NRXN3: variants seen among roughly 807,000 people sequenced by gnomAD.
The protein encoded by NRXN3 is neurexin III.
Under a neutral mutation model 137.6 loss-of-function variants are expected in NRXN3, and 32 were observed. The ratio of observed to expected loss-of-function variants is 0.23; its 90% CI spans 0.18 to 0.31. NRXN3 has a LOEUF of 0.31. Ranked by LOEUF, NRXN3 falls within the 10% of genes least tolerant of loss-of-function variation. NRXN3 has a pLI of 1.00. For missense variants in NRXN3, 1,574 were observed against 2,062.5 expected (o/e 0.76, Z 4.59); for synonymous variants, 798 against 784.5 (o/e 1.02, Z -0.29).
intron 19 of NRXN3, among the ~76,000 whole-genome samples, chr14:79,718,742 G>T (rs879878690): frequency 5.9e-5 from 9 of 152,130 alleles, no homozygotes; most frequent in Non-Finnish European, 1.0e-4. Flanking sequence ...TTATGCTTAA[G>T]TCCAGGCAGT....
intron 6 of NRXN3, among the ~76,000 whole-genome samples, chr14:78,694,791 TA>T (rs1369144587): frequency 6.6e-6 from 1 of 151,966 alleles, no homozygotes. Flanking sequence ...TCTTTCTCCA[TA>T]AACCTGACCA....
At chr14:78,273,503 C>T (rs191238585) in intron 2 of NRXN3, among the ~76,000 whole-genome samples, 18 of 152,266 alleles carry the variant, frequency 1.2e-4, no homozygotes, top group Admixed American at 1.0e-3. Flanking sequence ...ACAGAAGGGA[C>T]GCAGCTGCAG....
chr14:78,325,142 AAAATT>A (rs1297755995), intron 4 of NRXN3, among the ~76,000 whole-genome samples: 1 of 151,974 alleles, frequency 6.6e-6, no homozygotes, highest in East Asian at 1.9e-4. Flanking sequence ...CAAATATATA[AAAATT>A]AGCATCAGGA....
At chr14:79,594,007 TG>T (rs1305353868) in intron 16 of NRXN3, among the ~76,000 whole-genome samples, 1 of 151,938 alleles carries the variant, frequency 6.6e-6, no homozygotes, top group Non-Finnish European at 1.5e-5. Flanking sequence ...ATCCTTTTTT[TG>T]AAAAAAAGCT....
At chr14:78,967,429 T>C (rs769877109) in intron 13 of NRXN3, 31 bp downstream of exon 13, 2 of 1,537,864 alleles carry the variant, frequency 1.3e-6, no homozygotes, top group East Asian at 2.3e-5. Flanking sequence ...TAGTTTTTAA[T>C]AGAGCTTTTC....
intron 15 of NRXN3, among the ~76,000 whole-genome samples, chr14:79,304,101 G>A (rs1232413707): frequency 1.3e-5 from 2 of 152,020 alleles, no homozygotes; most frequent in East Asian, 3.9e-4. Flanking sequence ...GAGCAGTGTG[G>A]TACAATGAAA....
At chr14:79,131,961 C>G (rs980727929) in intron 15 of NRXN3, among the ~76,000 whole-genome samples, 2 of 152,276 alleles carry the variant, frequency 1.3e-5, no homozygotes, top group African/African-American at 4.8e-5. Flanking sequence ...TCTGTCACCC[C>G]TTTCTTTGAC....
chr14:78,326,892 TCACA>T (rs1310059828), intron 4 of NRXN3, among the ~76,000 whole-genome samples: 2 of 148,598 alleles, frequency 1.3e-5, no homozygotes, highest in Non-Finnish European at 3.0e-5. Flanking sequence ...GTCTGCTTAC[TCACA>T]CAACTCACTG....
chr14:79,127,130 G>A (rs1277591102), intron 15 of NRXN3, among the ~76,000 whole-genome samples: 9 of 151,996 alleles, frequency 5.9e-5, no homozygotes, highest in South Asian at 4.2e-4. Flanking sequence ...TGGGTTGCCC[G>A]TTCACTCTGA....
chr14:78,400,777 A>C (rs913322247), intron 4 of NRXN3, among the ~76,000 whole-genome samples: 11 of 152,202 alleles, frequency 7.2e-5, no homozygotes, highest in Admixed American at 2.6e-4. Context: ...GGGTGTATGC[A>C]GTCGGTTTCT....
At chr14:79,192,219 A>T (rs2064451871) in intron 15 of NRXN3, among the ~76,000 whole-genome samples, 1 of 152,212 alleles carries the variant, frequency 6.6e-6, no homozygotes, top group Non-Finnish European at 1.5e-5. Context: ...TCTCCAGGTT[A>T]CTGATCATCT....
intron 15 of NRXN3, among the ~76,000 whole-genome samples, chr14:79,235,176 C>T (rs2073155320): frequency 6.6e-6 from 1 of 152,048 alleles, no homozygotes; most frequent in African/African-American, 2.4e-5. Flanking sequence ...CAGAGCATGT[C>T]TCATGTCATG....
intron 16 of NRXN3, among the ~76,000 whole-genome samples, chr14:79,612,881 C>T (rs2153876288): frequency 6.6e-6 from 1 of 152,232 alleles, no homozygotes; most frequent in African/African-American, 2.4e-5. Context: ...AAATAAAATG[C>T]TAAAATGAAC....
In NRXN3 at chr14:78,515,106, T is replaced by C. The variant is rs764073272; in HGVS notation, c.758-130014T>C. The stretch of plus-strand genomic sequence containing the variant: ...AGGTGATTCTAACAGTTAGCCAAGG[T>C]TGAAAACCGCTGTATTAAAGGAAAG... On this transcript the variant is annotated intron_variant, in intron 4 of 20. Transcript: ENST00000335750. Among the ~76,000 whole-genome samples, 35 of 152,118 alleles carry C rather than the reference T, an allele frequency of 2.3e-4. 1 individual carries two copies. The highest frequency in any genetic ancestry group is 4.1e-4 in the Non-Finnish European group (28 of 68,018).
rs1256564511 is a variant in NRXN3 at position 78,801,994 on chromosome 14, A to G, written c.2045-1626A>G. On this transcript the variant is annotated intron_variant, in intron 8 of 20. Transcript: ENST00000335750. ...GGGACCTTGTCTGTTTCACCTTTGT[A>G]TTCTCCATAGTGCATGTAGGTAGCA... is the stretch of plus-strand genomic sequence containing the variant. 8.5e-5 allele frequency among the ~76,000 whole-genome samples: 13 copies of G among 152,188 alleles called. No homozygotes were observed. The South Asian group carries it at 2.3e-3, about 27-fold the overall frequency.
intron 19 of NRXN3, among the ~76,000 whole-genome samples, chr14:79,701,198 G>T (rs901719121): frequency 6.6e-6 from 1 of 151,978 alleles, no homozygotes; most frequent in African/African-American, 2.4e-5. Flanking sequence ...AGATTAGCTG[G>T]GTTTAAAACT....
At chr14:78,565,866 A>G (rs560831354) in intron 4 of NRXN3, among the ~76,000 whole-genome samples, 4 of 152,354 alleles carry the variant, frequency 2.6e-5, no homozygotes, top group African/African-American at 9.6e-5. Context: ...AAAAAGTATT[A>G]TAGCCTAGCA....
intron 16 of NRXN3, among the ~76,000 whole-genome samples, chr14:79,499,163 A>C (rs2096795812): frequency 6.6e-6 from 1 of 152,124 alleles, no homozygotes; most frequent in Admixed American, 6.5e-5. Flanking sequence ...TTACCAATCC[A>C]ATCTAAGTGC....
intron 8 of NRXN3, among the ~76,000 whole-genome samples, chr14:78,773,283 G>A (rs1004123176): frequency 6.6e-6 from 1 of 152,178 alleles, no homozygotes; most frequent in African/African-American, 2.4e-5. Flanking sequence ...CTGGGACTAT[G>A]GGTGGGAGAG....
Sources: gnomAD v4.1 joint callset for allele counts (sites outside exome capture counted in the v4.1 genomes callset) on GRCh38, gnomAD v4.1.1 for gene constraint, MANE v1.5 for transcripts, NCBI Gene and HGNC (gene_info 2026-07-23, HGNC 2026-07-21) for gene names.